Variants in MYH7B observed in about 807,000 individuals in gnomAD.
MYH7B encodes myosin heavy chain 7B.
MYH7B carries 205 observed loss-of-function variants against 234.5 expected under a neutral mutation model. That is an observed-to-expected ratio of 0.87 (90% CI 0.78 to 0.98). The LOEUF (loss-of-function observed/expected upper bound fraction) is 0.98, where lower values mean the gene tolerates loss of function less well. Ranked by LOEUF, MYH7B falls within the 50% of genes least tolerant of loss-of-function variation. MYH7B has a pLI of 0.00. For synonymous variants in MYH7B, 1,193 were observed against 1,105.0 expected, an observed-to-expected ratio of 1.08 and a Z score of -1.58; for missense variants, 2,652 against 2,633.4, an observed-to-expected ratio of 1.01 and a Z score of -0.15.
intron 1 of MYH7B, among the ~76,000 whole-genome samples, chr20:34,956,937 C>G (rs146353854): frequency 2.4e-4 from 36 of 152,318 alleles, no homozygotes; most frequent in African/African-American, 8.7e-4. Flanking sequence ...TGCCTGTAAT[C>G]CCAGCTACTC....
exon 39 of MYH7B, chr20:35,000,408 G>C: frequency 6.2e-7 from 1 of 1,600,828 alleles, no homozygotes; most frequent in Non-Finnish European, 8.5e-7. Flanking sequence ...CAACGACCTG[G>C]AGCTGCAGCT....
At chr20:34,997,286 A>C in exon 32 of MYH7B, 1 of 1,556,736 alleles carries the variant, frequency 6.4e-7, no homozygotes, top group African/African-American at 1.4e-5. Context: ...AGCTGGAGGC[A>C]GAGCGGGCAG....
chr20:34,974,085 T>C (rs1257665937), intron 2 of MYH7B, among the ~76,000 whole-genome samples: 2 of 152,086 alleles, frequency 1.3e-5, no homozygotes, highest in East Asian at 1.9e-4. Flanking sequence ...CCACCATGCC[T>C]GGCTAATTTT....
intron 33 of MYH7B, 37 bp from the exon 34 acceptor site, chr20:34,998,474 A>G: frequency 6.2e-7 from 1 of 1,612,672 alleles, no homozygotes; most frequent in Non-Finnish European, 8.5e-7. Context: ...TGCAGCCCTC[A>G]CCAGCCTGAC....
At chr20:34,995,173 ATTGCCCT>A (rs2082230827) in intron 27 of MYH7B, among the ~76,000 whole-genome samples, 156 bp from the exon 28 acceptor site, 1 of 152,102 alleles carries the variant, frequency 6.6e-6, no homozygotes, top group Non-Finnish European at 1.5e-5. Flanking sequence ...CCTCTGCGCT[ATTGCCCT>A]TCCATGCCCA....
intron 4 of MYH7B, 101 bp from the exon 5 acceptor site, chr20:34,977,833 A>C: frequency 6.5e-7 from 1 of 1,532,706 alleles, no homozygotes; most frequent in African/African-American, 1.4e-5. Flanking sequence ...CACTCACCCA[A>C]GGAGGCTGCA....
At chr20:34,959,840 G>A (rs1422910134) in intron 2 of MYH7B, among the ~76,000 whole-genome samples, 2 of 152,082 alleles carry the variant, frequency 1.3e-5, no homozygotes, top group Non-Finnish European at 2.9e-5. Context: ...TGATCTGGTC[G>A]CTAAGTGTCA....
intron 2 of MYH7B, among the ~76,000 whole-genome samples, chr20:34,963,670 AGATTTAC>A (rs2081718212): frequency 6.6e-6 from 1 of 152,226 alleles, no homozygotes; most frequent in African/African-American, 2.4e-5. Flanking sequence ...AAGGTCACAA[AGATTTAC>A]ACTTACTTTT....
intron 9 of MYH7B, chr20:34,981,315 T>C: frequency 2.2e-6 from 1 of 453,476 alleles, no homozygotes. Flanking sequence ...ACACCTCCTC[T>C]CCCCGGGGCC....
chr20:34,987,423 C>A lies in MYH7B; in HGVS notation c.1148-134C>A, dbSNP rs116731576. ...GCCTCCTCAGCTCCAAACCCTTACCCTCCTGAGGCTTTGTTTGCTAGCCCT... is the reference window on the plus strand; with the variant it reads ...GCCTCCTCAGCTCCAAACCCTTACCATCCTGAGGCTTTGTTTGCTAGCCCT... On this transcript the variant is annotated intron_variant, in intron 16 of 44. Coordinates refer to ENST00000262873, the Ensembl canonical transcript of MYH7B. 1.7e-3 allele frequency: 2,407 copies of A among 1,419,918 alleles called. 30 individuals carry two copies. In the African/African-American group the frequency reaches 0.031, roughly 18 times the overall value. 88.0% of individuals were successfully genotyped at this position (1,419,918 alleles called of 1,614,324 possible).
chr20:34,979,867 AG>A (rs2081916405), intron 7 of MYH7B, 63 bp downstream of exon 7: 1 of 1,408,604 alleles, frequency 7.1e-7, no homozygotes, highest in Admixed American at 1.9e-5. Context: ...GCTAGAGATG[AG>A]GTGCTGGGGG....
At chr20:34,978,860 C>A (rs556849314) in intron 5 of MYH7B, among the ~76,000 whole-genome samples, 2 of 152,168 alleles carry the variant, frequency 1.3e-5, no homozygotes, top group African/African-American at 4.8e-5. Context: ...ACACAAACTC[C>A]GGTTTGCAGC....
At chr20:34,960,611 A>G (rs1197178830) in intron 2 of MYH7B, among the ~76,000 whole-genome samples, 1 of 152,184 alleles carries the variant, frequency 6.6e-6, no homozygotes, top group Non-Finnish European at 1.5e-5. Context: ...ATCTGTGCAC[A>G]TGGCTACTGT....
intron 10 of MYH7B, among the ~76,000 whole-genome samples, chr20:34,983,288 CTTT>C (rs1360056840): frequency 1.6e-5 from 1 of 64,098 alleles, no homozygotes; most frequent in African/African-American, 7.4e-5. Context: ...TCTTTCTTTT[CTTT>C]TCTTTTCTTT....
intron 24 of MYH7B, among the ~76,000 whole-genome samples, chr20:34,992,385 CAAAAAA>C (rs57996416): frequency 3.1e-5 from 3 of 97,952 alleles, no homozygotes; most frequent in Admixed American, 1.1e-4. Flanking sequence ...GACTCCGTCT[CAAAAAA>C]AAAAAAAAAA....
chr20:34,990,357 G>GCCCCGTCCTTCAC (rs1220021325), intron 22 of MYH7B, 47 bp downstream of exon 22: 1 of 1,607,212 alleles, frequency 6.2e-7, no homozygotes, highest in Non-Finnish European at 8.5e-7. Flanking sequence ...GCAGCCTCCA[G>GCCCCGTCCTTCAC]CCCCGTCCTT....
rs148253854 is a variant in MYH7B, at chr20:34,987,642, C to T, written c.1233C>T (p.Asn411=). Residue 411 remains asparagine (N), a synonymous_variant, in exon 17 of 45, where the codon AAC becomes AAT. Transcript: ENST00000262873. ...TGCACCCCCGGGTGCGTGTAGGGAACGAGTACGTGACCAAGGGCCAGAGTG... is the reference window on the plus strand; with the variant it reads ...TGCACCCCCGGGTGCGTGTAGGGAATGAGTACGTGACCAAGGGCCAGAGTG... 4.5e-5 allele frequency: 72 copies of T among 1,613,782 alleles called. No homozygotes were observed. The highest frequency in any genetic ancestry group is 4.4e-4 in the African/African-American group (33 of 74,948).
intron 32 of MYH7B, among the ~76,000 whole-genome samples, 183 bp downstream of exon 32, chr20:34,997,823 A>G (rs1480320357): frequency 6.6e-6 from 1 of 152,042 alleles, no homozygotes; most frequent in Non-Finnish European, 1.5e-5. Context: ...CGTGACTCCC[A>G]AGCCCTGTTC....
At chr20:34,959,351 T>C (rs2147146635) in intron 2 of MYH7B, among the ~76,000 whole-genome samples, 1 of 152,304 alleles carries the variant, frequency 6.6e-6, no homozygotes, top group East Asian at 1.9e-4. Flanking sequence ...CTGCTGAAGA[T>C]TCCGGAGCAG....
Sources: gnomAD v4.1 joint callset for allele counts (sites outside exome capture counted in the v4.1 genomes callset) on GRCh38, gnomAD v4.1.1 for gene constraint, MANE v1.5 for transcripts, NCBI Gene and HGNC (gene_info 2026-07-23, HGNC 2026-07-21) for gene names.